DENND2A: variants seen among roughly 807,000 people sequenced by gnomAD.
DENND2A encodes the protein DENN domain containing 2A, also known as DENN domain-containing protein 2A.
In DENND2A, 53 loss-of-function variants were observed where a neutral mutation model predicts 105.3. The observed-to-expected ratio is 0.50, with a 90% CI of 0.40 to 0.63. The LOEUF (loss-of-function observed/expected upper bound fraction) is 0.63. DENND2A is among the 30% of genes least tolerant of loss of function. The probability of loss-of-function intolerance (pLI) is 0.00; values close to 1 mark genes in which losing one functional copy is unlikely to be tolerated. For missense variants in DENND2A, 1,138 were observed against 1,279.6 expected (o/e 0.89, Z 1.69); for synonymous variants, 522 against 508.4 (o/e 1.03, Z -0.36).
intron 5 of DENND2A, among the ~76,000 whole-genome samples, chr7:140,578,324 G>A (rs935221850): frequency 6.6e-5 from 10 of 152,092 alleles, no homozygotes; most frequent in African/African-American, 1.9e-4. Flanking sequence ...GTCTGTGAAC[G>A]GTGGCTGGTG....
intron 1 of DENND2A, among the ~76,000 whole-genome samples, chr7:140,606,420 A>C (rs1228701360): frequency 6.6e-6 from 1 of 152,196 alleles, no homozygotes; most frequent in Non-Finnish European, 1.5e-5. Context: ...CATAAATAAC[A>C]ACGAGACCCA....
chr7:140,528,485 G>T (rs1796140564), intron 14 of DENND2A, among the ~76,000 whole-genome samples: 1 of 152,078 alleles, frequency 6.6e-6, no homozygotes, highest in African/African-American at 2.4e-5. Flanking sequence ...GATGACTGAG[G>T]GCTGCCGGGC....
intron 1 of DENND2A, among the ~76,000 whole-genome samples, chr7:140,624,933 T>C (rs1189762262): frequency 3.3e-5 from 5 of 150,554 alleles, no homozygotes; most frequent in African/African-American, 9.9e-5. Flanking sequence ...CGCAGTGATG[T>C]GAATACAGCT....
chr7:140,592,184 C>T (rs1338206183), intron 3 of DENND2A, among the ~76,000 whole-genome samples: 3 of 149,214 alleles, frequency 2.0e-5, no homozygotes, highest in African/African-American at 4.9e-5. Context: ...AGATTACAGG[C>T]GCCTGCCACC....
intron 1 of DENND2A, among the ~76,000 whole-genome samples, chr7:140,621,269 A>G (rs985856630): frequency 6.6e-6 from 1 of 152,004 alleles, no homozygotes; most frequent in African/African-American, 2.4e-5. Context: ...TCCTGGCCTC[A>G]AGCAACCCTC....
At chr7:140,582,529 C>A (rs1444941336) in intron 5 of DENND2A, among the ~76,000 whole-genome samples, 3 of 152,338 alleles carry the variant, frequency 2.0e-5, no homozygotes, top group South Asian at 4.1e-4. Context: ...CTTGATGACA[C>A]CCTTTTCCAT....
intron 18 of DENND2A, among the ~76,000 whole-genome samples, 191 bp from the exon 19 acceptor site, chr7:140,519,909 C>A (rs1795791898): frequency 6.6e-6 from 1 of 152,128 alleles, no homozygotes; most frequent in African/African-American, 2.4e-5. Context: ...TGCAGTAACT[C>A]CCTTTGGAAA....
At position 140,527,402 on chromosome 7, in the gene DENND2A, G is replaced by C. The variant is rs764413244; in HGVS notation, c.2421C>G (p.Val807=). ...TYIPVLPPAM[V]DIVCSPTPFL... is the part of the protein sequence containing the mutation. ...AGGGCGTCGGCGAGCACACGATGTC[G>C]ACCATGGCGGGTGGCAGCACCGGGA... The change falls in exon 15 of 20, where the codon GTC becomes GTG. Residue 807 remains valine, a synonymous_variant. Coordinates refer to ENST00000496613, the MANE Select transcript of DENND2A (RefSeq NM_015689.5). The surrounding 1 kb of genome is among the most constrained non-coding windows in gnomAD (Gnocchi z 4.9). 5 of 1,608,778 alleles carry C rather than the reference G, an allele frequency of 3.1e-6. No individual in the cohort carries two copies. Among genetic ancestry groups the C allele is most frequent in the Non-Finnish European group, 4.2e-6 (5 of 1,178,650 alleles).
chr7:140,533,046 C>T (rs1232159260), intron 14 of DENND2A, among the ~76,000 whole-genome samples: 2 of 134,646 alleles, frequency 1.5e-5, no homozygotes, highest in Admixed American at 8.4e-5. Context: ...GGCTGGAGTG[C>T]GGTGGCACGA....
Position 140,602,559 on chromosome 7 carries a change from A to G in DENND2A, c.-145-17T>C. ...ACCTTGACCCTGCACAAGAAAGACA[A>G]ACACCAGGTGAGTGATTCTTATTGT... On this transcript the variant is annotated splice_polypyrimidine_tract_variant and intron_variant, in intron 2 of 19. Coordinates refer to ENST00000496613, the MANE Select transcript of DENND2A (RefSeq NM_015689.5). 2 of 606,820 alleles carry G rather than the reference A, an allele frequency of 3.3e-6. No individual in the cohort carries two copies. Among genetic ancestry groups the G allele is most frequent in the Non-Finnish European group, 5.2e-6 (2 of 387,590 alleles). 37.6% of individuals were successfully genotyped at this position (606,820 alleles called of 1,614,324 possible).
intron 6 of DENND2A, among the ~76,000 whole-genome samples, chr7:140,572,855 C>T (rs919936202): frequency 4.6e-5 from 7 of 151,572 alleles, no homozygotes; most frequent in Admixed American, 2.0e-4. Context: ...ACTAAAGACA[C>T]TCTAAAAACA....
chr7:140,606,198 C>T (rs1327148371), intron 1 of DENND2A, among the ~76,000 whole-genome samples: 14 of 148,968 alleles, frequency 9.4e-5, no homozygotes, highest in Admixed American at 4.6e-4. Context: ...GCACCACCAC[C>T]CCGGCTAATG....
chr7:140,627,356 C>T (rs756459932), intron 1 of DENND2A, among the ~76,000 whole-genome samples: 1 of 151,926 alleles, frequency 6.6e-6, no homozygotes, highest in African/African-American at 2.4e-5. Context: ...GGACTACAGG[C>T]GCACACCACC....
At position 140,527,472 on chromosome 7, in the gene DENND2A, G is replaced by A. The variant is rs1194307029; in HGVS notation, c.2351C>T (p.Ala784Val). The A allele has an allele frequency of 1.2e-6, 2 of 1,605,336 alleles. No individual in the cohort carries two copies. The highest frequency in any genetic ancestry group is 1.7e-6 in the Non-Finnish European group (2 of 1,175,980). ...KLSILSKCCH[A>V]MVALIYPFAW... is the part of the protein sequence containing the mutation. Reference sequence around the variant, plus strand: ...GAAGGGGTAGATCAGCGCCACCATCGCGTGGCAGCACTTGGACAGGATGCT... The same window carrying A: ...GAAGGGGTAGATCAGCGCCACCATCACGTGGCAGCACTTGGACAGGATGCT... Residue 784 changes from alanine to valine, a missense_variant, in exon 15 of 20, where the codon GCG becomes GTG. Ala to Val is a moderately conservative substitution (Grantham distance 64, BLOSUM62 0). Transcript: ENST00000496613. This position sits in a 1 kb window ranked among gnomAD's most constrained non-coding sequence, Gnocchi z 4.9.
chr7:140,598,934 T>C lies in DENND2A; in HGVS notation c.995+2469A>G, dbSNP rs117061560. On this transcript the variant is annotated intron_variant, in intron 3 of 19. Transcript: ENST00000496613. ...CTAAAAAGGAGAGAGACAAAGTGATTATTATTTTTTTTTGCATATGACATG... is the reference window on the plus strand; with the variant it reads ...CTAAAAAGGAGAGAGACAAAGTGATCATTATTTTTTTTTGCATATGACATG... Among the ~76,000 whole-genome samples the C allele has an allele frequency of 5.7e-3, 865 of 152,172 alleles. 2 individuals are homozygous for C. Among genetic ancestry groups the C allele is most frequent in the Middle Eastern group, 0.034 (10 of 294 alleles).
At chr7:140,567,336 G>GAC (rs1797891547) in intron 8 of DENND2A, 63 bp from the exon 9 acceptor site, 2 of 1,322,644 alleles carry the variant, frequency 1.5e-6, no homozygotes, top group East Asian at 2.5e-5. Context: ...GAGAGAGAGA[G>GAC]AGAGAGAGAC....
At chr7:140,557,438 G>C (rs1797405153) in intron 11 of DENND2A, among the ~76,000 whole-genome samples, 2 of 142,822 alleles carry the variant, frequency 1.4e-5, no homozygotes, top group Non-Finnish European at 3.0e-5. Context: ...GATGGAAACG[G>C]ACATTCCCAC....
At chr7:140,575,161 G>T (rs1202746984) in intron 5 of DENND2A, among the ~76,000 whole-genome samples, 1 of 152,034 alleles carries the variant, frequency 6.6e-6, no homozygotes, top group African/African-American at 2.4e-5. Flanking sequence ...TGACTCAAAA[G>T]AAAAGCAGGC....
chr7:140,523,396 C>T lies in DENND2A; in HGVS notation c.2576G>A (p.Arg859Gln), dbSNP rs768690238. 19 of 1,614,012 alleles carry T rather than the reference C, an allele frequency of 1.2e-5. No individual in the cohort carries two copies. Among genetic ancestry groups the T allele is most frequent in the Non-Finnish European group, 1.4e-5 (17 of 1,180,042 alleles). Reference sequence around the variant, plus strand: ...GTGTTCCAGGGCCACCTGAAGCTTCCGGGGCAGGATGGAGTCCTCATCGTC... The same window carrying T: ...GTGTTCCAGGGCCACCTGAAGCTTCTGGGGCAGGATGGAGTCCTCATCGTC... ...QMDDEDSILP[R>Q]KLQVALEHIL... Residue 859 changes from arginine to glutamine, a missense_variant, in exon 17 of 20, where the codon CGG becomes CAG. Around this residue, in one of 2 missense-constraint regions of DENND2A, gnomAD observed 627 missense variants for 779.8 expected, o/e 0.80. Transcript: ENST00000496613. The surrounding 1 kb of genome is among the most constrained non-coding windows in gnomAD (Gnocchi z 4.5).
Sources: gnomAD v4.1 joint callset for allele counts (sites outside exome capture counted in the v4.1 genomes callset) on GRCh38, gnomAD v4.1.1 for gene constraint, gnomAD v4.1.1 regional missense constraint, Gnocchi (gnomAD v3.1) non-coding constraint, MANE v1.5 for transcripts, NCBI Gene and HGNC (gene_info 2026-07-23, HGNC 2026-07-21) for gene names.